Variants in ARL8B observed in about 807,000 individuals in gnomAD.
ARL8B encodes the protein ARF like GTPase 8B.
ARL8B carries 9 observed loss-of-function variants against 30.6 expected under a neutral mutation model. The ratio of observed to expected loss-of-function variants is 0.29; its 90% CI spans 0.18 to 0.51. The LOEUF (loss-of-function observed/expected upper bound fraction) is 0.51, where lower values mean the gene tolerates loss of function less well. Ranked by LOEUF, ARL8B falls within the 20% of genes least tolerant of loss-of-function variation. The pLI, the probability that ARL8B is intolerant of heterozygous loss-of-function variation, is 0.97. For missense variants in ARL8B, 130 were observed against 227.2 expected (o/e 0.57, Z 2.75); for synonymous variants, 74 against 76.0 (o/e 0.97, Z 0.14).
chr3:5,159,949 A>G (rs2054567289), intron 1 of ARL8B, among the ~76,000 whole-genome samples: 1 of 152,194 alleles, frequency 6.6e-6, no homozygotes, highest in Admixed American at 6.5e-5. Context: ...AAAGTAGTAC[A>G]GATGTTTAGA....
In ARL8B at chr3:5,178,691, A is replaced by G. The variant is rs1168156265; in HGVS notation, c.539A>G (p.His180Arg). Residue 180 changes from histidine to arginine, a missense_variant, in exon 7 of 7, where the codon CAT (histidine) becomes CGT (arginine). Coordinates refer to ENST00000256496, the MANE Select transcript of ARL8B (RefSeq NM_018184.3). Reference sequence around the variant, plus strand: ...ATCACACTTCAGTGGCTTATTCAGCATTCAAAATCTAGAAGAAGCTGAAGC... The same window carrying G: ...ATCACACTTCAGTGGCTTATTCAGCGTTCAAAATCTAGAAGAAGCTGAAGC... Reference protein sequence around the residue: ...IDITLQWLIQHSKSRRS With the variant: ...IDITLQWLIQRSKSRRS 4 of 1,612,508 alleles carry G rather than the reference A, an allele frequency of 2.5e-6. No individual in the cohort carries two copies. The African/African-American group carries it at 4.0e-5, about 16-fold the overall frequency.
intron 1 of ARL8B, among the ~76,000 whole-genome samples, chr3:5,124,394 C>A (rs1326761954): frequency 6.6e-6 from 1 of 151,432 alleles, no homozygotes; most frequent in East Asian, 2.0e-4. Flanking sequence ...GCATGAGCCA[C>A]CGTTCCTGGC....
At chr3:5,156,662 C>T (rs541735045) in intron 1 of ARL8B, among the ~76,000 whole-genome samples, 183 of 152,080 alleles carry the variant, frequency 1.2e-3, no homozygotes, top group African/African-American at 2.7e-3. Flanking sequence ...GTGATCCACC[C>T]GCCTTGGCCT....
chr3:5,170,796 A>G, intron 2 of ARL8B: 2 of 415,926 alleles, frequency 4.8e-6, no homozygotes, highest in Non-Finnish European at 8.7e-6. Context: ...CAGTGTCGCG[A>G]TCTCCACTCA....
intron 1 of ARL8B, among the ~76,000 whole-genome samples, chr3:5,130,825 T>G (rs1490484067): frequency 6.6e-6 from 1 of 152,226 alleles, no homozygotes; most frequent in Non-Finnish European, 1.5e-5. Flanking sequence ...CCTATGAACC[T>G]ATATTCTTAC....
intron 1 of ARL8B, among the ~76,000 whole-genome samples, chr3:5,146,234 G>T (rs1240141910): frequency 6.6e-6 from 1 of 152,176 alleles, no homozygotes; most frequent in Non-Finnish European, 1.5e-5. Context: ...GCATCTTTTA[G>T]ATCTACCACA....
In ARL8B at chr3:5,174,092, T is replaced by C; in HGVS notation, c.440+8T>C. On this transcript the variant is annotated splice_region_variant and intron_variant, in intron 5 of 6. Transcript: ENST00000256496. ...ACAGCTAATTGAAAAAATGTATGTCTTGAATATGCTATTTTAATAATTTGC... is the reference window on the plus strand; with the variant it reads ...ACAGCTAATTGAAAAAATGTATGTCCTGAATATGCTATTTTAATAATTTGC... The C allele has an allele frequency of 6.3e-7, 1 of 1,594,496 alleles. No individual in the cohort carries two copies. The highest frequency in any genetic ancestry group is 8.6e-7 in the Non-Finnish European group (1 of 1,164,246).
Position 5,127,189 on chromosome 3 carries a change from G to T in ARL8B, c.123+4601G>T, listed in dbSNP as rs114671241. 9.0e-3 allele frequency among the ~76,000 whole-genome samples: 1,378 copies of T among 152,296 alleles called. 17 individuals carry two copies. Among genetic ancestry groups the T allele is most frequent in the African/African-American group, 0.031 (1,294 of 41,564 alleles). On this transcript the variant is annotated intron_variant, in intron 1 of 6. Transcript: ENST00000256496. ...TTTTTAGATGTGGCTAGCAGATCCA[G>T]TGAGGTTAAGTGGAATTCCAAGGCA...
chr3:5,149,075 ATTGGGACTCCGCAC>A (rs2054455732), intron 1 of ARL8B, among the ~76,000 whole-genome samples: 1 of 152,156 alleles, frequency 6.6e-6, no homozygotes. Flanking sequence ...GGAACCGTGG[ATTGGGACTCCGCAC>A]TTGCTTCATA....
intron 1 of ARL8B, among the ~76,000 whole-genome samples, chr3:5,134,986 C>T (rs2054312605): frequency 6.6e-6 from 1 of 152,086 alleles, no homozygotes; most frequent in African/African-American, 2.4e-5. Flanking sequence ...GTAGCTGGGA[C>T]TGCCGGCACA....
intron 6 of ARL8B, among the ~76,000 whole-genome samples, chr3:5,175,342 A>C (rs890840642): frequency 1.4e-4 from 22 of 152,210 alleles, no homozygotes; most frequent in Non-Finnish European, 3.2e-4. Context: ...AAATGCAATA[A>C]AGTCGTGAGG....
chr3:5,149,993 G>T (rs1309070242), intron 1 of ARL8B, among the ~76,000 whole-genome samples: 1 of 152,168 alleles, frequency 6.6e-6, no homozygotes, highest in Non-Finnish European at 1.5e-5. Flanking sequence ...CCTCTTGCTT[G>T]CTGTTAAGTA....
intron 6 of ARL8B, among the ~76,000 whole-genome samples, chr3:5,174,814 G>T (rs562639296): frequency 6.9e-6 from 1 of 145,902 alleles, no homozygotes; most frequent in Non-Finnish European, 1.5e-5. Context: ...ATATGTATAT[G>T]TATTTTTTGA....
At chr3:5,147,404 A>G (rs1482662478) in intron 1 of ARL8B, among the ~76,000 whole-genome samples, 2 of 152,066 alleles carry the variant, frequency 1.3e-5, no homozygotes, top group Non-Finnish European at 2.9e-5. Context: ...CCATTCTATC[A>G]TTGTTGGACA....
rs144587383 is a variant in ARL8B at position 5,136,999 on chromosome 3, CT to C, written c.123+14414del. Among the ~76,000 whole-genome samples, 1,086 of 152,250 alleles carry C rather than the reference CT, an allele frequency of 7.1e-3. 5 individuals are homozygous for C. Among genetic ancestry groups the C allele is most frequent in the Middle Eastern group, 0.034 (10 of 294 alleles). On this transcript the variant is annotated intron_variant, in intron 1 of 6. Coordinates refer to ENST00000256496, the MANE Select transcript of ARL8B (RefSeq NM_018184.3). Reference sequence around the variant, plus strand: ...ACAACAACCTTTCAATATTTATGGCCTTTAAATGAAGCAGTGTGCCTACTGC... The same window carrying C: ...ACAACAACCTTTCAATATTTATGGCCTTAAATGAAGCAGTGTGCCTACTGC...
At chr3:5,170,294 T>C (rs1442559703) in intron 1 of ARL8B, among the ~76,000 whole-genome samples, 1 of 152,228 alleles carries the variant, frequency 6.6e-6, no homozygotes, top group Non-Finnish European at 1.5e-5. Flanking sequence ...AAAAATATCT[T>C]TTTTAGATGG....
At chr3:5,136,214 G>C (rs2054324583) in intron 1 of ARL8B, among the ~76,000 whole-genome samples, 1 of 152,090 alleles carries the variant, frequency 6.6e-6, no homozygotes, top group Non-Finnish European at 1.5e-5. Flanking sequence ...AAGTGAACTT[G>C]ATTATTTTAT....
chr3:5,154,075 C>T (rs1317853490), intron 1 of ARL8B, among the ~76,000 whole-genome samples: 1 of 152,036 alleles, frequency 6.6e-6, no homozygotes, highest in East Asian at 1.9e-4. Flanking sequence ...TTGGTTATAG[C>T]AGTTTAATTG....
intron 1 of ARL8B, among the ~76,000 whole-genome samples, chr3:5,155,890 T>G (rs370594201): frequency 2.4e-4 from 35 of 147,588 alleles, no homozygotes; most frequent in African/African-American, 5.6e-4. Context: ...AAGATAATTT[T>G]TGTGTGTGTG....
Sources: gnomAD v4.1 joint callset for allele counts (sites outside exome capture counted in the v4.1 genomes callset) on GRCh38, gnomAD v4.1.1 for gene constraint, MANE v1.5 for transcripts, NCBI Gene and HGNC (gene_info 2026-07-23, HGNC 2026-07-21) for gene names.